CAMTA1: variants seen among roughly 807,000 people sequenced by gnomAD.
The protein encoded by CAMTA1 is calmodulin-binding transcription activator 1.
CAMTA1 carries 27 observed loss-of-function variants against 170.9 expected under a neutral mutation model. The ratio of observed to expected loss-of-function variants is 0.16; its 90% CI spans 0.12 to 0.22. The LOEUF (loss-of-function observed/expected upper bound fraction) is 0.22. CAMTA1 is among the 10% of genes least tolerant of loss of function. The pLI is 1.00. For synonymous variants in CAMTA1, 833 were observed against 891.5 expected (o/e 0.93, Z 1.17); for missense variants, 1,619 against 2,217.2 (o/e 0.73, Z 5.42).
At position 7,547,486 on chromosome 1, in the gene CAMTA1, T is replaced by C. The variant is rs2094713037; in HGVS notation, c.510+79585T>C. 6.6e-6 allele frequency among the ~76,000 whole-genome samples: 1 copy of C among 152,132 alleles called. No homozygotes were observed. The highest frequency in any genetic ancestry group is 1.9e-4 in the East Asian group (1 of 5,190). On this transcript the variant is annotated intron_variant, in intron 6 of 22. Transcript: ENST00000303635. This position sits in a 1 kb window ranked among gnomAD's most constrained non-coding sequence, Gnocchi z 5.7. ...AAAAAAATTGCATTTGTACCAAACATATTTTTTTCTTATGATTATTCCCTA... is the reference window on the plus strand; with the variant it reads ...AAAAAAATTGCATTTGTACCAAACACATTTTTTTCTTATGATTATTCCCTA...
intron 1 of CAMTA1, among the ~76,000 whole-genome samples, chr1:6,794,634 A>G (rs1641990359): frequency 6.6e-6 from 1 of 152,210 alleles, no homozygotes; most frequent in Non-Finnish European, 1.5e-5. Context: ...CTAAGAATGT[A>G]ATAATCTTAA....
Position 7,186,760 on chromosome 1 carries a change from A to G in CAMTA1, c.303-62731A>G, listed in dbSNP as rs145063149. Among the ~76,000 whole-genome samples, 664 of 152,334 alleles carry G rather than the reference A, an allele frequency of 4.4e-3. 8 individuals are homozygous for G. The highest frequency in any genetic ancestry group is 0.015 in the African/African-American group (633 of 41,568). On this transcript the variant is annotated intron_variant, in intron 4 of 22. Coordinates refer to ENST00000303635, the MANE Select transcript of CAMTA1 (RefSeq NM_015215.4). ...TATTGAAAACTATGTGCCAGGCACTATTCCTTGCAATAAGCCAGGTCCACG... is the reference window on the plus strand; with the variant it reads ...TATTGAAAACTATGTGCCAGGCACTGTTCCTTGCAATAAGCCAGGTCCACG...
chr1:6,800,822 C>T (rs1352014280), intron 1 of CAMTA1, among the ~76,000 whole-genome samples: 1 of 152,124 alleles, frequency 6.6e-6, no homozygotes, highest in African/African-American at 2.4e-5. Flanking sequence ...TTGGAGAGGC[C>T]GTGAACATAA....
At chr1:7,549,050 C>T (rs2094758552) in intron 6 of CAMTA1, among the ~76,000 whole-genome samples, 1 of 137,416 alleles carries the variant, frequency 7.3e-6, no homozygotes, top group Non-Finnish European at 1.6e-5. Context: ...AAGGTGCCCC[C>T]TTAGGGGTGG....
chr1:6,796,132 CTTTTTTTTTTT>C (rs978363793), intron 1 of CAMTA1, among the ~76,000 whole-genome samples: 20 of 70,962 alleles, frequency 2.8e-4, no homozygotes, highest in South Asian at 4.6e-4. Context: ...AATAGCATTT[CTTTTTTTTTTT>C]TTTTTTTTTT....
At position 7,568,668 on chromosome 1, in the gene CAMTA1, A is replaced by G. The variant is rs535587203; in HGVS notation, c.511-71732A>G. ...ACCATCCATCAACATCGCCATCATC[A>G]TTGTCACCAAATCACCATCAAAATC... On this transcript the variant is annotated intron_variant, in intron 6 of 22. Coordinates refer to ENST00000303635, the MANE Select transcript of CAMTA1 (RefSeq NM_015215.4). Among the ~76,000 whole-genome samples the G allele has an allele frequency of 1.5e-3, 227 of 147,838 alleles. 2 individuals are homozygous for G. Among genetic ancestry groups the G allele is most frequent in the Non-Finnish European group, 1.9e-3 (127 of 67,386 alleles).
intron 3 of CAMTA1, among the ~76,000 whole-genome samples, chr1:6,895,884 T>C (rs1039988803): frequency 2.6e-5 from 4 of 152,206 alleles, no homozygotes; most frequent in Non-Finnish European, 5.9e-5. Context: ...AAATTGTCTC[T>C]TCTTTTTCTT....
At chr1:7,440,380 G>T (rs2092485758) in intron 5 of CAMTA1, among the ~76,000 whole-genome samples, 1 of 152,262 alleles carries the variant, frequency 6.6e-6, no homozygotes, top group Admixed American at 6.5e-5. Flanking sequence ...AGTCCCAGTG[G>T]GAAGGAGGCC....
At chr1:7,320,328 T>A (rs1678179870) in intron 5 of CAMTA1, among the ~76,000 whole-genome samples, 2 of 152,252 alleles carry the variant, frequency 1.3e-5, no homozygotes, top group Non-Finnish European at 2.9e-5. Flanking sequence ...CAAATGAAGA[T>A]TGTTATCTGT....
intron 6 of CAMTA1, among the ~76,000 whole-genome samples, chr1:7,521,465 T>A (rs1461529420): frequency 6.6e-6 from 1 of 152,088 alleles, no homozygotes; most frequent in Non-Finnish European, 1.5e-5. Flanking sequence ...TGCATTTGTG[T>A]GTGTGTGTGT....
chr1:7,691,684 G>A (rs1387236877), intron 11 of CAMTA1, among the ~76,000 whole-genome samples: 2 of 152,172 alleles, frequency 1.3e-5, no homozygotes, highest in African/African-American at 2.4e-5. Context: ...TGGGACATCT[G>A]TGTGAAAAGT....
chr1:7,131,443 A>G (rs75432287), intron 4 of CAMTA1, among the ~76,000 whole-genome samples: 5,448 of 151,176 alleles, frequency 0.036, 357 homozygotes, highest in African/African-American at 0.12. Context: ...TTTAGTAGTT[A>G]CCTCTTATAG....
At chr1:7,551,270 G>T (rs1238906738) in intron 6 of CAMTA1, among the ~76,000 whole-genome samples, 1 of 150,250 alleles carries the variant, frequency 6.7e-6, no homozygotes, top group Non-Finnish European at 1.5e-5. Context: ...GACAAGAGCT[G>T]CAGGGCCAAA....
chr1:7,495,015 G>T (rs923296090), intron 6 of CAMTA1, among the ~76,000 whole-genome samples: 1 of 152,052 alleles, frequency 6.6e-6, no homozygotes, highest in Non-Finnish European at 1.5e-5. Context: ...CCTGCTTCTT[G>T]TCCTGAGAAA....
intron 4 of CAMTA1, among the ~76,000 whole-genome samples, chr1:7,197,427 A>G (rs1655725424): frequency 6.6e-6 from 1 of 152,168 alleles, no homozygotes; most frequent in African/African-American, 2.4e-5. Context: ...CTGCCCACAC[A>G]GGGTTCGGGA....
chr1:7,492,765 A>G (rs1382055535), intron 6 of CAMTA1, among the ~76,000 whole-genome samples: 2 of 110,844 alleles, frequency 1.8e-5, no homozygotes, highest in African/African-American at 4.0e-5. Context: ...ACACAAACCT[A>G]CATACACAAG....
Position 7,573,192 on chromosome 1 carries a change from C to T in CAMTA1, c.511-67208C>T, listed in dbSNP as rs541603435. Among the ~76,000 whole-genome samples the T allele has an allele frequency of 7.2e-5, 11 of 152,316 alleles. No individual in the cohort carries two copies. The South Asian group carries it at 2.3e-3, about 32-fold the overall frequency. The stretch of plus-strand genomic sequence containing the variant: ...CTGGGGAAAGAAAAACCTGGCAAAG[C>T]ACCCTACTTAACCCTCAGAGTGCCA... On this transcript the variant is annotated intron_variant, in intron 6 of 22. Coordinates refer to ENST00000303635, the MANE Select transcript of CAMTA1 (RefSeq NM_015215.4).
chr1:7,451,572 G>T (rs1213218583), intron 5 of CAMTA1, among the ~76,000 whole-genome samples: 3 of 152,172 alleles, frequency 2.0e-5, no homozygotes, highest in Non-Finnish European at 2.9e-5. Flanking sequence ...GCCAAGTGCT[G>T]TGTCAGGTTG....
At chr1:7,497,370 C>T (rs1310204673) in intron 6 of CAMTA1, among the ~76,000 whole-genome samples, 5 of 152,230 alleles carry the variant, frequency 3.3e-5, no homozygotes, top group Non-Finnish European at 4.4e-5. Flanking sequence ...CTCTTGGTGT[C>T]TGGGCAGGCA....
Sources: allele counts gnomAD v4.1 joint callset (sites outside exome capture counted in the v4.1 genomes callset), GRCh38; gene constraint gnomAD v4.1.1; non-coding constraint Gnocchi (gnomAD v3.1); transcripts MANE v1.5; gene names NCBI Gene and HGNC (gene_info 2026-07-23, HGNC 2026-07-21).